DCAF6: variants seen among roughly 807,000 people sequenced by gnomAD.
The protein encoded by DCAF6 is DDB1- and CUL4-associated factor 6.
In DCAF6, 54 loss-of-function variants were observed where a neutral mutation model predicts 125.1. That is an observed-to-expected ratio of 0.43 (90% confidence interval 0.35 to 0.54). The LOEUF (loss-of-function observed/expected upper bound fraction) is 0.54. Among genes scored for constraint, DCAF6 ranks in the 20% least tolerant of loss-of-function variants. The pLI is 0.01. For synonymous variants in DCAF6, 371 were observed against 390.4 expected, an observed-to-expected ratio of 0.95 and a Z score of 0.58; for missense variants, 934 against 1,161.7, an observed-to-expected ratio of 0.80 and a Z score of 2.85.
At chr1:168,002,674 C>T in intron 8 of DCAF6, 99 bp downstream of exon 8, 1 of 848,018 alleles carries the variant, frequency 1.2e-6, no homozygotes, top group East Asian at 2.8e-5. Context: ...CTGTAATGAA[C>T]ATTCTTATAC....
In DCAF6 at chr1:168,075,348, G is replaced by A. The variant is rs374823089; in HGVS notation, c.2792-23G>A. 19 of 1,578,606 alleles carry A rather than the reference G, an allele frequency of 1.2e-5. No individual in the cohort carries two copies. In the Admixed American group the frequency reaches 1.2e-4, roughly 10 times the overall value. ...AATTACTAAAAGTATTTCTCTTTGC[G>A]ATTCTCTTATCTGTGTTTCCAGACC... On this transcript the variant is annotated intron_variant, in intron 21 of 21. Transcript: ENST00000367840.
At chr1:167,878,601 C>T in the DCAF6 span, 1 of 1,614,142 alleles carries the variant, frequency 6.2e-7, no homozygotes, top group Non-Finnish European at 8.5e-7. Context: ...AGTACATCAT[C>T]ATCCTGGCAG....
At chr1:167,962,505 A>C (rs572036659) in intron 2 of DCAF6, among the ~76,000 whole-genome samples, 1 of 152,316 alleles carries the variant, frequency 6.6e-6, no homozygotes, top group East Asian at 1.9e-4. Flanking sequence ...TCTGAAATTA[A>C]TGTAACTACT....
chr1:167,940,307 A>T (rs1170776615), intron 1 of DCAF6, among the ~76,000 whole-genome samples: 1 of 152,186 alleles, frequency 6.6e-6, no homozygotes, highest in Non-Finnish European at 1.5e-5. Context: ...ATGGATTTAG[A>T]GGATAGGCCA....
intron 2 of DCAF6, among the ~76,000 whole-genome samples, chr1:167,957,555 C>T (rs1674970355): frequency 6.6e-6 from 1 of 152,048 alleles, no homozygotes; most frequent in African/African-American, 2.4e-5. Flanking sequence ...GGGTTGTTTC[C>T]ATTTTTTGGC....
intron 14 of DCAF6, among the ~76,000 whole-genome samples, chr1:168,043,914 A>G (rs1387115947): frequency 1.3e-5 from 2 of 152,176 alleles, no homozygotes; most frequent in Non-Finnish European, 2.9e-5. Context: ...GATTTTACCA[A>G]ATACATGATA....
intron 10 of DCAF6, among the ~76,000 whole-genome samples, chr1:168,008,978 T>G (rs1326980707): frequency 6.7e-6 from 1 of 148,156 alleles, no homozygotes; most frequent in Non-Finnish European, 1.5e-5. Context: ...TTCCTTCTTT[T>G]CTTTTCTCCT....
intron 3 of DCAF6, among the ~76,000 whole-genome samples, chr1:167,970,568 A>G (rs1228181586): frequency 6.6e-6 from 1 of 152,138 alleles, no homozygotes; most frequent in Non-Finnish European, 1.5e-5. Flanking sequence ...GGATCACTTG[A>G]GCCCAGGCGT....
In DCAF6 at chr1:167,939,790, A is replaced by G. The variant is rs147184811; in HGVS notation, c.97+2782A>G. On this transcript the variant is annotated intron_variant, in intron 1 of 21. Transcript: ENST00000367840. Reference sequence around the variant, plus strand: ...AAATAAATAAATAAATAAATAAAGTATGGTACACTTATAAAGCCTTCCTTT... The same window carrying G: ...AAATAAATAAATAAATAAATAAAGTGTGGTACACTTATAAAGCCTTCCTTT... Among the ~76,000 whole-genome samples, 318 of 152,276 alleles carry G rather than the reference A, an allele frequency of 2.1e-3. 2 individuals are homozygous for G. The highest frequency in any genetic ancestry group is 7.1e-3 in the African/African-American group (297 of 41,568).
chr1:168,048,189 G>A (rs1357198046), intron 16 of DCAF6, among the ~76,000 whole-genome samples: 1 of 152,132 alleles, frequency 6.6e-6, no homozygotes, highest in Non-Finnish European at 1.5e-5. Flanking sequence ...TAGAGTCCAA[G>A]GATACATTGC....
In DCAF6 at chr1:168,075,354, C is replaced by T. The variant is rs756939357; in HGVS notation, c.2792-17C>T. On this transcript the variant is annotated splice_polypyrimidine_tract_variant and intron_variant, in intron 21 of 21. Coordinates refer to ENST00000367840, the MANE Select transcript of DCAF6 (RefSeq NM_001198956.2). Reference sequence around the variant, plus strand: ...TAAAAGTATTTCTCTTTGCGATTCTCTTATCTGTGTTTCCAGACCGGTTGG... The same window carrying T: ...TAAAAGTATTTCTCTTTGCGATTCTTTTATCTGTGTTTCCAGACCGGTTGG... 1.3e-6 allele frequency: 2 copies of T among 1,585,940 alleles called. No individual in the cohort carries two copies. The highest frequency in any genetic ancestry group is 1.7e-6 in the Non-Finnish European group (2 of 1,172,512).
At chr1:168,012,205 A>G (rs2103145278) in intron 10 of DCAF6, among the ~76,000 whole-genome samples, 1 of 152,342 alleles carries the variant, frequency 6.6e-6, no homozygotes, top group Non-Finnish European at 1.5e-5. Context: ...AATGATCCAG[A>G]GTCCAGGACA....
At chr1:167,966,487 A>G (rs1011936098) in intron 2 of DCAF6, 142 bp from the exon 3 acceptor site, 2 of 589,342 alleles carry the variant, frequency 3.4e-6, no homozygotes, top group East Asian at 6.4e-5. Context: ...GGGAAGCCAT[A>G]AGATTGGACA....
the DCAF6 span, among the ~76,000 whole-genome samples, chr1:167,887,062 A>ACCAG: frequency 6.6e-6 from 1 of 152,268 alleles, no homozygotes; most frequent in Non-Finnish European, 1.5e-5. Context: ...GCTGGAGAGG[A>ACCAG]TGTGGAGAAA....
chr1:167,899,974 T>G, the DCAF6 span, among the ~76,000 whole-genome samples: 2 of 152,198 alleles, frequency 1.3e-5, no homozygotes, highest in Non-Finnish European at 2.9e-5. Context: ...TTGGGAGAAT[T>G]TGCATTTTAG....
At chr1:167,982,779 T>A (rs1388146013) in intron 4 of DCAF6, among the ~76,000 whole-genome samples, 1 of 152,204 alleles carries the variant, frequency 6.6e-6, no homozygotes, top group African/African-American at 2.4e-5. Flanking sequence ...CTTTTAGGAT[T>A]CTTATAGTTC....
In DCAF6 at chr1:167,993,140, C is replaced by T. The variant is rs114673055; in HGVS notation, c.689-86C>T. ...TTATTTGTATTGCTACATTAAGTCA[C>T]ATGTAATAATTCAGATTAAGAGTTT... On this transcript the variant is annotated intron_variant, in intron 6 of 21. Coordinates refer to ENST00000367840, the MANE Select transcript of DCAF6 (RefSeq NM_001198956.2). 3.4e-3 allele frequency: 3,883 copies of T among 1,130,976 alleles called. 91 individuals are homozygous for T. The African/African-American group carries it at 0.05, about 15-fold the overall frequency. 70.1% of individuals were successfully genotyped at this position (1,130,976 alleles called of 1,614,324 possible).
At chr1:167,949,777 G>A (rs543418147) in intron 1 of DCAF6, among the ~76,000 whole-genome samples, 8 of 152,310 alleles carry the variant, frequency 5.3e-5, no homozygotes, top group African/African-American at 1.4e-4. Context: ...GCATTCAGAT[G>A]TGAGTTTATT....
At chr1:167,965,741 C>T (rs202241) in intron 2 of DCAF6, among the ~76,000 whole-genome samples, 107 of 152,060 alleles carry the variant, frequency 7.0e-4, no homozygotes, top group African/African-American at 2.3e-3. Context: ...GTTCTCCTGT[C>T]GGGAGGCTGA....
Sources: allele counts gnomAD v4.1 joint callset (sites outside exome capture counted in the v4.1 genomes callset), GRCh38; gene constraint gnomAD v4.1.1; transcripts MANE v1.5; gene names NCBI Gene and HGNC (gene_info 2026-07-23, HGNC 2026-07-21).